The following MGAT4A variants were observed in gnomAD, a reference collection of about 807,000 sequenced individuals.
MGAT4A encodes alpha-1,3-mannosyl-glycoprotein 4-beta-N-acetylglucosaminyltransferase A.
MGAT4A carries 33 observed loss-of-function variants against 74.1 expected under a neutral mutation model. The observed-to-expected ratio is 0.45, with a 90% CI of 0.34 to 0.60. The LOEUF (loss-of-function observed/expected upper bound fraction) is 0.60. Among genes scored for constraint, MGAT4A ranks in the 20% least tolerant of loss-of-function variants. MGAT4A has a pLI of 0.02. For synonymous variants in MGAT4A, 198 were observed against 210.4 expected, an observed-to-expected ratio of 0.94 and a Z score of 0.51; for missense variants, 479 against 628.3, an observed-to-expected ratio of 0.76 and a Z score of 2.54.
At chr2:98,691,886 G>A (rs895000574) in intron 2 of MGAT4A, among the ~76,000 whole-genome samples, 1 of 152,032 alleles carries the variant, frequency 6.6e-6, no homozygotes, top group Non-Finnish European at 1.5e-5. Flanking sequence ...TGCAGGCCTA[G>A]GCTAATGTGT....
chr2:98,705,941 T>C (rs1702421375), intron 2 of MGAT4A, among the ~76,000 whole-genome samples: 1 of 117,464 alleles, frequency 8.5e-6, no homozygotes. Context: ...AGAGCGAGAC[T>C]CCGTCTCAAA....
chr2:98,623,080 T>A lies in MGAT4A; in HGVS notation c.*2486A>T, dbSNP rs1575236297. ...GCAGGCTGGAATAATTGGTCTCACA[T>A]CCAGATGCTGACTGGCCACCTGCCA... is the stretch of plus-strand genomic sequence containing the variant. On this transcript the variant is annotated 3_prime_UTR_variant, in exon 16 of 16. Transcript: ENST00000393487. The A allele has an allele frequency of 1.0e-6, 1 of 985,360 alleles. No individual in the cohort carries two copies. Among genetic ancestry groups the A allele is most frequent in the Non-Finnish European group, 1.2e-6 (1 of 829,968 alleles). The allele number at this position is 985,360 out of a possible 1,614,324, so 61.0% of individuals were successfully genotyped here. A position where few individuals can be genotyped will look rare whatever the true frequency, so the allele number is the denominator to read the frequency against.
At chr2:98,632,565 C>T (rs1701256666) in intron 14 of MGAT4A, among the ~76,000 whole-genome samples, 1 of 152,210 alleles carries the variant, frequency 6.6e-6, no homozygotes. Context: ...GGCTGAACTT[C>T]CCCACATTCT....
intron 14 of MGAT4A, among the ~76,000 whole-genome samples, chr2:98,634,186 C>T (rs986603736): frequency 6.6e-6 from 1 of 152,146 alleles, no homozygotes; most frequent in Non-Finnish European, 1.5e-5. Flanking sequence ...AGGAGAGACA[C>T]GGCCCCTCCC....
At chr2:98,648,034 A>C (rs1347184262) in intron 8 of MGAT4A, among the ~76,000 whole-genome samples, 1 of 152,252 alleles carries the variant, frequency 6.6e-6, no homozygotes, top group Non-Finnish European at 1.5e-5. Flanking sequence ...TGAACATTTA[A>C]AACTACCATT....
At chr2:98,658,668 G>C (rs1160027950) in intron 5 of MGAT4A, among the ~76,000 whole-genome samples, 1 of 152,028 alleles carries the variant, frequency 6.6e-6, no homozygotes. Context: ...ATACTCTAAA[G>C]TCATTTCTCT....
At chr2:98,693,425 A>C (rs976317897) in intron 2 of MGAT4A, among the ~76,000 whole-genome samples, 1 of 152,180 alleles carries the variant, frequency 6.6e-6, no homozygotes, top group Admixed American at 6.5e-5. Context: ...GAGTTTTCTA[A>C]ATTATGTTTG....
chr2:98,656,314 C>G, intron 7 of MGAT4A, 38 bp downstream of exon 7: 2 of 1,312,606 alleles, frequency 1.5e-6, no homozygotes, highest in East Asian at 2.3e-5. Context: ...AATATTTACA[C>G]TCACAAGTGT....
chr2:98,684,149 ATTGT>A (rs1702098975), intron 2 of MGAT4A, among the ~76,000 whole-genome samples: 1 of 152,244 alleles, frequency 6.6e-6, no homozygotes, highest in African/African-American at 2.4e-5. Context: ...AAGGAAGAGA[ATTGT>A]TTATCTGCTT....
At chr2:98,638,365 A>G (rs1257592860) in intron 12 of MGAT4A, among the ~76,000 whole-genome samples, 1 of 152,238 alleles carries the variant, frequency 6.6e-6, no homozygotes, top group Non-Finnish European at 1.5e-5. Context: ...AATGATCTAT[A>G]AGGATATTCT....
In MGAT4A at chr2:98,678,249, A is replaced by AAAAAAAAATATAT. The variant is rs67023324; in HGVS notation, c.262+54_262+55insATATATTTTTTTT. On this transcript the variant is annotated intron_variant, in intron 3 of 15. Coordinates refer to ENST00000393487, the MANE Select transcript of MGAT4A (RefSeq NM_012214.3). ...TGTCTCAAAGAAAAAAAAAAAAAAA[A>AAAAAAAAATATAT]ATATATATATATATATATAAAATCT... 817 of 263,558 alleles carry AAAAAAAAATATAT rather than the reference A, an allele frequency of 3.1e-3. 4 individuals are homozygous for AAAAAAAAATATAT. The highest frequency in any genetic ancestry group is 5.2e-3 in the Admixed American group (62 of 12,032). The allele number at this position is 263,558 out of a possible 1,614,324, so 16.3% of individuals were successfully genotyped here.
intron 4 of MGAT4A, among the ~76,000 whole-genome samples, chr2:98,665,709 T>C (rs1424352962): frequency 6.6e-6 from 1 of 152,264 alleles, no homozygotes; most frequent in Non-Finnish European, 1.5e-5. Context: ...CAGGCTGCTA[T>C]GTATAGGTTG....
At chr2:98,681,052 A>C (rs1411353573) in intron 2 of MGAT4A, among the ~76,000 whole-genome samples, 1 of 152,090 alleles carries the variant, frequency 6.6e-6, no homozygotes, top group Non-Finnish European at 1.5e-5. Flanking sequence ...GCGCGATCTC[A>C]GCTCACTGCA....
Position 98,621,563 on chromosome 2 carries a change from C to T in MGAT4A, c.*4003G>A. On this transcript the variant is annotated 3_prime_UTR_variant, in exon 16 of 16. Coordinates refer to ENST00000393487, the MANE Select transcript of MGAT4A (RefSeq NM_012214.3). ...CCCCCAGACAGTCTTCCTTTTGCTACATAACATGATATAATCATGGATCAA... is the reference window on the plus strand; with the variant it reads ...CCCCCAGACAGTCTTCCTTTTGCTATATAACATGATATAATCATGGATCAA... 6.5e-7 allele frequency: 1 copy of T among 1,549,302 alleles called. No individual in the cohort carries two copies. The highest frequency in any genetic ancestry group is 8.7e-7 in the Non-Finnish European group (1 of 1,145,642).
intron 8 of MGAT4A, among the ~76,000 whole-genome samples, chr2:98,645,957 A>T (rs1483298067): frequency 6.6e-6 from 1 of 152,148 alleles, no homozygotes; most frequent in East Asian, 1.9e-4. Flanking sequence ...GAAAGTTTAA[A>T]CTGAATTTAG....
chr2:98,702,193 A>G (rs1162125692), intron 2 of MGAT4A, among the ~76,000 whole-genome samples: 1 of 152,220 alleles, frequency 6.6e-6, no homozygotes, highest in African/African-American at 2.4e-5. Flanking sequence ...CCCTGCCCTC[A>G]GCTCTGTCAA....
chr2:98,652,345 T>C (rs1195386393), intron 8 of MGAT4A, among the ~76,000 whole-genome samples: 2 of 151,060 alleles, frequency 1.3e-5, no homozygotes, highest in African/African-American at 4.9e-5. Context: ...TTTTTTTTTT[T>C]TTTGAGACAG....
chr2:98,651,005 CA>C (rs1301677140), intron 8 of MGAT4A, among the ~76,000 whole-genome samples: 6 of 151,618 alleles, frequency 4.0e-5, no homozygotes, highest in Non-Finnish European at 8.8e-5. Context: ...GTGGAGGTTG[CA>C]GTGAGCTGGG....
chr2:98,729,408 C>T (rs1303099603), intron 1 of MGAT4A, among the ~76,000 whole-genome samples: 6 of 152,182 alleles, frequency 3.9e-5, no homozygotes, highest in African/African-American at 1.4e-4. Context: ...AATTATGAGA[C>T]ATAATTCACA....
Sources: gnomAD v4.1 joint callset for allele counts (sites outside exome capture counted in the v4.1 genomes callset) on GRCh38, gnomAD v4.1.1 for gene constraint, MANE v1.5 for transcripts, NCBI Gene and HGNC (gene_info 2026-07-23, HGNC 2026-07-21) for gene names.